The following ABCC1 variants were observed in gnomAD, a reference collection of about 807,000 sequenced individuals.
ABCC1 encodes ATP binding cassette subfamily C member 1 (ABCC1 blood group), also known as multidrug resistance-associated protein 1.
In ABCC1, 83 loss-of-function variants were observed where a neutral mutation model predicts 172.9. The ratio of observed to expected loss-of-function variants is 0.48; its 90% CI spans 0.40 to 0.58. The LOEUF (loss-of-function observed/expected upper bound fraction) is 0.58, where lower values mean the gene tolerates loss of function less well. Ranked by LOEUF, ABCC1 falls within the 20% of genes least tolerant of loss-of-function variation. The pLI, the probability that ABCC1 is intolerant of heterozygous loss-of-function variation, is 0.00. For missense variants in ABCC1, 1,817 were observed against 2,002.7 expected, an observed-to-expected ratio of 0.91 and a Z score of 1.77; for synonymous variants, 937 against 825.2, an observed-to-expected ratio of 1.14 and a Z score of -2.32.
chr16:16,058,886 C>T (rs2049789148), intron 12 of ABCC1, among the ~76,000 whole-genome samples: 1 of 151,592 alleles, frequency 6.6e-6, no homozygotes, highest in African/African-American at 2.4e-5. Flanking sequence ...GAACTCCTGA[C>T]CTCAGGAGAT....
chr16:15,960,330 A>C (rs1013492484), intron 1 of ABCC1, among the ~76,000 whole-genome samples: 1 of 152,070 alleles, frequency 6.6e-6, no homozygotes, highest in African/African-American at 2.4e-5. Context: ...GCAGTCTCCC[A>C]GAGTGCTGGG....
chr16:16,085,853 AG>A, intron 17 of ABCC1, among the ~76,000 whole-genome samples: 1 of 152,242 alleles, frequency 6.6e-6, no homozygotes, highest in East Asian at 1.9e-4. Context: ...GCATCTCAGG[AG>A]GGACTGGGCA....
intron 1 of ABCC1, among the ~76,000 whole-genome samples, chr16:15,992,862 G>T (rs1422872089): frequency 6.6e-6 from 1 of 152,126 alleles, no homozygotes. Flanking sequence ...CCCAATCTTG[G>T]GTCCTAGCTC....
chr16:16,036,199 T>G (rs1346918710), intron 6 of ABCC1, among the ~76,000 whole-genome samples: 1 of 152,116 alleles, frequency 6.6e-6, no homozygotes, highest in Non-Finnish European at 1.5e-5. Flanking sequence ...AAATCATCTT[T>G]TTTTCCCTAA....
At chr16:16,023,507 T>A (rs2046369476) in intron 5 of ABCC1, among the ~76,000 whole-genome samples, 1 of 152,200 alleles carries the variant, frequency 6.6e-6, no homozygotes, top group South Asian at 2.1e-4. Context: ...GACCGTTGAT[T>A]AAAGCGTTGA....
intron 1 of ABCC1, among the ~76,000 whole-genome samples, chr16:16,002,546 G>A (rs536445879): frequency 2.0e-5 from 3 of 152,204 alleles, no homozygotes; most frequent in Non-Finnish European, 4.4e-5. Context: ...GCCAAGGCGA[G>A]TGGATCGCTT....
At chr16:16,133,789 G>A (rs1270604618) in intron 27 of ABCC1, among the ~76,000 whole-genome samples, 1 of 152,166 alleles carries the variant, frequency 6.6e-6, no homozygotes, top group Non-Finnish European at 1.5e-5. Context: ...GAGGGAAGAA[G>A]GAGCCCACTT....
At chr16:15,963,127 A>C (rs1762499607) in intron 1 of ABCC1, among the ~76,000 whole-genome samples, 1 of 152,248 alleles carries the variant, frequency 6.6e-6, no homozygotes, top group African/African-American at 2.4e-5. Flanking sequence ...GGCCCCATGC[A>C]AGTCTGAAAT....
At chr16:16,065,639 G>A (rs1350571507) in intron 12 of ABCC1, among the ~76,000 whole-genome samples, 1 of 152,146 alleles carries the variant, frequency 6.6e-6, no homozygotes, top group Admixed American at 6.5e-5. Context: ...TGCCCTGTCA[G>A]ACAGGCTGGT....
intron 19 of ABCC1, among the ~76,000 whole-genome samples, chr16:16,100,204 C>T (rs1345170735): frequency 6.6e-6 from 1 of 152,212 alleles, no homozygotes; most frequent in Non-Finnish European, 1.5e-5. Context: ...CCAGTTCGAC[C>T]TGTGGGCTAA....
At chr16:15,995,369 C>G (rs2047021313) in intron 1 of ABCC1, among the ~76,000 whole-genome samples, 1 of 152,186 alleles carries the variant, frequency 6.6e-6, no homozygotes, top group East Asian at 1.9e-4. Context: ...TTCTTCATTG[C>G]TTTTCGCCCT....
chr16:16,091,053 C>T (rs551605865), intron 19 of ABCC1, among the ~76,000 whole-genome samples: 5 of 152,136 alleles, frequency 3.3e-5, no homozygotes, highest in South Asian at 4.1e-4. Flanking sequence ...GTTCAATCCC[C>T]GGCCGCTCAT....
intron 23 of ABCC1, among the ~76,000 whole-genome samples, chr16:16,116,807 G>T (rs955734898): frequency 3.9e-5 from 6 of 152,140 alleles, no homozygotes; most frequent in African/African-American, 1.2e-4. Context: ...TGATCCGCCC[G>T]CCTCAGCCTG....
intron 13 of ABCC1, among the ~76,000 whole-genome samples, chr16:16,070,081 T>C (rs113416066): frequency 0.013 from 1,916 of 151,996 alleles, 31 homozygotes; most frequent in African/African-American, 0.044. Flanking sequence ...ATCACTCAGA[T>C]TCAACATCGG....
At chr16:16,126,870 A>C (rs1005425986) in intron 26 of ABCC1, among the ~76,000 whole-genome samples, 4 of 152,174 alleles carry the variant, frequency 2.6e-5, no homozygotes, top group Non-Finnish European at 5.9e-5. Context: ...GGAACTGACC[A>C]AAGTTTGGGA....
intron 1 of ABCC1, among the ~76,000 whole-genome samples, chr16:16,003,829 G>A (rs1319274746): frequency 7.4e-6 from 1 of 134,698 alleles, no homozygotes. Flanking sequence ...GAATTGGTAG[G>A]TGGGTAGGGT....
intron 1 of ABCC1, among the ~76,000 whole-genome samples, chr16:15,973,460 C>T (rs531725975): frequency 2.0e-5 from 3 of 152,000 alleles, no homozygotes; most frequent in Non-Finnish European, 4.4e-5. Flanking sequence ...TCCTCTGGTC[C>T]CAAATGTCAG....
At chr16:16,120,496 G>C (rs926958074) in intron 23 of ABCC1, among the ~76,000 whole-genome samples, 1 of 152,150 alleles carries the variant, frequency 6.6e-6, no homozygotes, top group Non-Finnish European at 1.5e-5. Flanking sequence ...GCCCAGGTTG[G>C]GGGAGGCAGA....
chr16:16,117,248 CCTT>C (rs1367364971), intron 23 of ABCC1, among the ~76,000 whole-genome samples: 1 of 152,150 alleles, frequency 6.6e-6, no homozygotes, highest in Admixed American at 6.5e-5. Context: ...GCAAACATGT[CCTT>C]CTTCACATGG....
Sources: gnomAD v4.1 joint callset for allele counts (sites outside exome capture counted in the v4.1 genomes callset) on GRCh38, gnomAD v4.1.1 for gene constraint, MANE v1.5 for transcripts, NCBI Gene and HGNC (gene_info 2026-07-23, HGNC 2026-07-21) for gene names.